The following CAMKK2 variants were observed in gnomAD, a reference collection of about 807,000 sequenced individuals.
The protein encoded by CAMKK2 is calcium/calmodulin-dependent protein kinase kinase 2.
A neutral mutation model predicts 67.2 loss-of-function variants in CAMKK2; 30 were observed. The observed-to-expected ratio is 0.45, with a 90% confidence interval of 0.33 to 0.61. The LOEUF (loss-of-function observed/expected upper bound fraction) is 0.61. CAMKK2 is among the 20% of genes least tolerant of loss of function. The pLI is 0.02. For synonymous variants in CAMKK2, 322 were observed against 326.2 expected (o/e 0.99, Z 0.14); for missense variants, 643 against 802.0 (o/e 0.80, Z 2.39).
intron 1 of CAMKK2, among the ~76,000 whole-genome samples, chr12:121,293,920 T>G (rs2136678838): frequency 6.6e-6 from 1 of 150,912 alleles, no homozygotes; most frequent in South Asian, 2.1e-4. Flanking sequence ...TGGGGGAGGG[T>G]GATTTTTTTT....
At chr12:121,249,702 TG>T in intron 13 of CAMKK2, 84 bp downstream of exon 13, 2 of 1,080,290 alleles carry the variant, frequency 1.9e-6, no homozygotes, top group South Asian at 2.5e-5. Flanking sequence ...GGTGTGGTGC[TG>T]TGGACACAAG....
chr12:121,264,588 C>T (rs1422930371), intron 5 of CAMKK2, among the ~76,000 whole-genome samples: 11 of 152,044 alleles, frequency 7.2e-5, no homozygotes, highest in Admixed American at 6.5e-4. Flanking sequence ...TCCTGACTAA[C>T]ACAGTGAAAC....
chr12:121,244,424 T>C, intron 16 of CAMKK2, 149 bp downstream of exon 16: 1 of 759,838 alleles, frequency 1.3e-6, no homozygotes, highest in Non-Finnish European at 2.1e-6. Flanking sequence ...ATTCTAATAC[T>C]GGGTCTGGAG....
At chr12:121,268,314 T>C (rs1895056322) in intron 5 of CAMKK2, among the ~76,000 whole-genome samples, 1 of 151,998 alleles carries the variant, frequency 6.6e-6, no homozygotes, top group Non-Finnish European at 1.5e-5. Context: ...GGTAACACCA[T>C]GTTTAACTTT....
At chr12:121,251,464 C>G (rs189815028) in intron 11 of CAMKK2, among the ~76,000 whole-genome samples, 20 of 152,230 alleles carry the variant, frequency 1.3e-4, no homozygotes, top group Admixed American at 5.9e-4. Context: ...AATAAGAACA[C>G]AAGCTCAGGA....
intron 5 of CAMKK2, 77 bp from the exon 6 acceptor site, chr12:121,264,016 CA>C: frequency 1.5e-6 from 2 of 1,373,104 alleles, no homozygotes; most frequent in Non-Finnish European, 1.9e-6. Flanking sequence ...GGTGGGATGC[CA>C]AAAGGTGGGA....
rs141124757 is a variant in CAMKK2, at chr12:121,272,448, C to T, written c.472-1503G>A. 1.5e-3 allele frequency among the ~76,000 whole-genome samples: 230 copies of T among 152,272 alleles called. 1 individual carries two copies. Among genetic ancestry groups the T allele is most frequent in the African/African-American group, 5.1e-3 (213 of 41,560 alleles). ...AGGAGCCATTGCTCATAGGTCCTAG[C>T]TCTGTTTTTGGCTCATGCTGTGAAT... On this transcript the variant is annotated intron_variant, in intron 2 of 16. Transcript: ENST00000404169.
rs59882441 is a variant in CAMKK2 at position 121,277,078 on chromosome 12, G to A, written c.-59-2493C>T. 9.3e-3 allele frequency among the ~76,000 whole-genome samples: 1,409 copies of A among 152,250 alleles called. 13 individuals carry two copies. Among genetic ancestry groups the A allele is most frequent in the African/African-American group, 0.032 (1,326 of 41,522 alleles). On this transcript the variant is annotated intron_variant, in intron 1 of 16. Transcript: ENST00000404169. ...GGATCTGGCTGAGAGGCAGAAAATG[G>A]CCCTCAGCGCTCTCGGAACGGTCCT...
intron 5 of CAMKK2, among the ~76,000 whole-genome samples, chr12:121,267,812 A>G (rs867987885): frequency 2.0e-5 from 3 of 151,886 alleles, no homozygotes; most frequent in Admixed American, 1.3e-4. Context: ...AATATTTTCA[A>G]TGCCTCCCTA....
At chr12:121,246,015 G>C (rs1889369232) in intron 14 of CAMKK2, among the ~76,000 whole-genome samples, 1 of 152,138 alleles carries the variant, frequency 6.6e-6, no homozygotes, top group African/African-American at 2.4e-5. Flanking sequence ...AAAGGCCTCA[G>C]AGTGTAGGAT....
intron 3 of CAMKK2, among the ~76,000 whole-genome samples, chr12:121,270,667 C>T (rs1033876157): frequency 1.1e-4 from 16 of 152,060 alleles, no homozygotes; most frequent in African/African-American, 3.4e-4. Context: ...ATCACCAAGG[C>T]GATATGGAAT....
intron 1 of CAMKK2, among the ~76,000 whole-genome samples, chr12:121,281,548 C>A (rs1296910039): frequency 1.3e-5 from 2 of 152,242 alleles, no homozygotes; most frequent in African/African-American, 4.8e-5. Context: ...TTTGTTCTTA[C>A]ATGTAGTAAT....
At chr12:121,291,633 AAG>A (rs1900041232) in intron 1 of CAMKK2, among the ~76,000 whole-genome samples, 1 of 152,200 alleles carries the variant, frequency 6.6e-6, no homozygotes, top group Non-Finnish European at 1.5e-5. Context: ...GGGCACTGGG[AAG>A]AGAGAGTGAC....
chr12:121,255,303 T>TATATATATA (rs1566059298), intron 9 of CAMKK2, among the ~76,000 whole-genome samples: 1 of 23,054 alleles, frequency 4.3e-5, no homozygotes, highest in Non-Finnish European at 9.7e-5. Flanking sequence ...TATATATAAT[T>TATATATATA]TTATATATAA....
chr12:121,257,207 T>C (rs980607488), intron 7 of CAMKK2, among the ~76,000 whole-genome samples: 2 of 152,060 alleles, frequency 1.3e-5, no homozygotes, highest in Non-Finnish European at 2.9e-5. Context: ...ATGTAACCTA[T>C]GACTATATCC....
At chr12:121,262,559 GTTTTC>G (rs1394752537) in intron 6 of CAMKK2, among the ~76,000 whole-genome samples, 1 of 151,708 alleles carries the variant, frequency 6.6e-6, no homozygotes, top group East Asian at 2.0e-4. Context: ...TAAGCTTATT[GTTTTC>G]TTTTCTTTTT....
rs1178972221 is a variant in CAMKK2, at chr12:121,246,288, G to A, written c.1453-1048C>T. On this transcript the variant is annotated intron_variant, in intron 14 of 16. Transcript: ENST00000404169. The stretch of plus-strand genomic sequence containing the variant: ...GAGGCGGGCGTGGTGGCTCATGCTT[G>A]TAATACCAGCACTTTGGGAGGCTGA... Among the ~76,000 whole-genome samples the A allele has an allele frequency of 3.3e-5, 5 of 151,646 alleles. No individual in the cohort carries two copies. The South Asian group carries it at 6.2e-4, about 19-fold the overall frequency.
intron 1 of CAMKK2, among the ~76,000 whole-genome samples, chr12:121,282,121 T>C (rs1897914217): frequency 6.6e-6 from 1 of 152,028 alleles, no homozygotes; most frequent in Admixed American, 6.6e-5. Flanking sequence ...GGTGAGTAGA[T>C]ACTAAAGGAG....
In CAMKK2 at chr12:121,285,495, C is replaced by G. The variant is rs965836752; in HGVS notation, c.-59-10910G>C. 6.6e-6 allele frequency among the ~76,000 whole-genome samples: 1 copy of G among 151,904 alleles called. No individual in the cohort carries two copies. The highest frequency in any genetic ancestry group is 1.5e-5 in the Non-Finnish European group (1 of 67,976). On this transcript the variant is annotated intron_variant, in intron 1 of 16. Transcript: ENST00000404169. The surrounding 1 kb of genome is among the most constrained non-coding windows in gnomAD (Gnocchi z 4.1). ...TCCAGCCTGGGCAACAGAGCAGGACCTTATCTAAAAAAGAAACAGAGTAGA... is the reference window on the plus strand; with the variant it reads ...TCCAGCCTGGGCAACAGAGCAGGACGTTATCTAAAAAAGAAACAGAGTAGA...
Sources: allele counts gnomAD v4.1 joint callset (sites outside exome capture counted in the v4.1 genomes callset), GRCh38; gene constraint gnomAD v4.1.1; non-coding constraint Gnocchi (gnomAD v3.1); transcripts MANE v1.5; gene names NCBI Gene and HGNC (gene_info 2026-07-23, HGNC 2026-07-21).